Variants in SRP14 observed in about 807,000 individuals in gnomAD.
SRP14 encodes signal recognition particle 14 kDa protein.
A neutral mutation model predicts 16.0 loss-of-function variants in SRP14; 1 was observed. That is an observed-to-expected ratio of 0.06 (90% confidence interval 0.02 to 0.30). The LOEUF (loss-of-function observed/expected upper bound fraction) is 0.30. Among genes scored for constraint, SRP14 ranks in the 10% least tolerant of loss-of-function variants. SRP14 has a pLI of 1.00. For synonymous variants in SRP14, 67 were observed against 60.1 expected (o/e 1.12, Z -0.53); for missense variants, 120 against 163.1 (o/e 0.74, Z 1.44).
rs1318747609 is a variant in SRP14, at chr15:40,036,409, G to A, written c.335C>T (p.Ala112Val). 1 of 1,613,698 alleles carries A rather than the reference G, an allele frequency of 6.2e-7. No individual in the cohort carries two copies. Among genetic ancestry groups the A allele is most frequent in the South Asian group, 1.1e-5 (1 of 90,890 alleles). Residue 112 changes from alanine to valine, a missense_variant, in exon 5 of 5, where the codon GCA (alanine) becomes GTA (valine). This residue lies in a region of SRP14 where 43 missense variants were observed against 37.0 expected (regional missense o/e 1.16). Coordinates refer to ENST00000267884, the MANE Select transcript of SRP14 (RefSeq NM_003134.6). The stretch of plus-strand genomic sequence containing the variant: ...TGCTGCGGCAGGTGCTGCTGCTGCT[G>A]CTGCTGCTGCTGCTTTGGTCTTCTT... ...KTKKTKAAAA[A>V]AAAAPAAAAT...
chr15:40,037,278 G>GTAAAAAAA, intron 3 of SRP14: 7 of 193,388 alleles, frequency 3.6e-5, no homozygotes, highest in East Asian at 2.0e-4. Context: ...CTCCTTTTGG[G>GTAAAAAAA]GAAAAAAAAA....
chr15:40,036,745 C>A (rs2035629872), intron 4 of SRP14: 2 of 631,686 alleles, frequency 3.2e-6, no homozygotes, highest in East Asian at 2.7e-5. Context: ...CAGGCAACTT[C>A]TTGTTCAACT....
In SRP14 at chr15:40,036,075, TCA is replaced by T. The variant is rs1214948196; in HGVS notation, c.*256_*257del. The T allele has an allele frequency of 1.3e-5, 7 of 536,120 alleles. No homozygotes were observed. The highest frequency in any genetic ancestry group is 9.5e-5 in the African/African-American group (5 of 52,732). 33.2% of individuals were successfully genotyped at this position (536,120 alleles called of 1,614,324 possible). A position where few individuals can be genotyped will look rare whatever the true frequency, so the allele number is the denominator to read the frequency against. The stretch of plus-strand genomic sequence containing the variant: ...GACATGTTTAATGATAGCTTGCTCT[TCA>T]CAGAGATGTCTACAGAGACTTTTAA... On this transcript the variant is annotated 3_prime_UTR_variant, in exon 5 of 5. Coordinates refer to ENST00000267884, the MANE Select transcript of SRP14 (RefSeq NM_003134.6).
At chr15:40,036,908 T>C (rs766298862) in intron 4 of SRP14, 78 bp downstream of exon 4, 3 of 1,504,142 alleles carry the variant, frequency 2.0e-6, no homozygotes, top group Non-Finnish European at 2.8e-6. Flanking sequence ...TGAACCCAAG[T>C]ATCAATCTTA....
At chr15:40,036,882 T>C in intron 4 of SRP14, 104 bp downstream of exon 4, 1 of 1,313,842 alleles carries the variant, frequency 7.6e-7, no homozygotes, top group Non-Finnish European at 1.1e-6. Context: ...TGGTAAAACT[T>C]ATCTCCGGAG....
chr15:40,038,865 C>A lies in SRP14; in HGVS notation c.97+11G>T, dbSNP rs753408691. ...CAGGGAGCATCGCCCGGCTCCCCTCCCGCTGCTTACACTTCTTCAAGGTGA... is the reference window on the plus strand; with the variant it reads ...CAGGGAGCATCGCCCGGCTCCCCTCACGCTGCTTACACTTCTTCAAGGTGA... On this transcript the variant is annotated intron_variant, in intron 2 of 4. Transcript: ENST00000267884. 1 of 1,613,486 alleles carries A rather than the reference C, an allele frequency of 6.2e-7. No individual in the cohort carries two copies. Among genetic ancestry groups the A allele is most frequent in the South Asian group, 1.1e-5 (1 of 91,016 alleles).
intron 3 of SRP14, among the ~76,000 whole-genome samples, chr15:40,037,617 TTA>T (rs879279357): frequency 0.63 from 82,432 of 130,346 alleles, 27,552 homozygotes; most frequent in Non-Finnish European, 0.75. Flanking sequence ...TAACTTGTCC[TTA>T]GGTTTTTGTT....
intron 1 of SRP14, 54 bp downstream of exon 1, chr15:40,039,039 C>G: frequency 6.2e-7 from 1 of 1,607,012 alleles, no homozygotes; most frequent in Non-Finnish European, 8.5e-7. Context: ...AGGCACAGGT[C>G]TCGAGTAACG....
intron 4 of SRP14, 97 bp downstream of exon 4, chr15:40,036,889 G>A (rs765474154): frequency 2.2e-5 from 30 of 1,374,380 alleles, no homozygotes; most frequent in South Asian, 1.2e-4. Flanking sequence ...ACTTATCTCC[G>A]GAGAGCAGTG....
chr15:40,036,853 G>C (rs1442795426), intron 4 of SRP14, 133 bp downstream of exon 4: 4 of 1,034,062 alleles, frequency 3.9e-6, no homozygotes, highest in Non-Finnish European at 5.9e-6. Flanking sequence ...CACCCTGGCA[G>C]CTTTTACTTG....
intron 2 of SRP14, 168 bp from the exon 3 acceptor site, chr15:40,038,562 C>T (rs2035667491): frequency 1.6e-6 from 1 of 616,016 alleles, no homozygotes; most frequent in African/African-American, 1.8e-5. Context: ...CCTGGAGAAA[C>T]TATTATTTCC....
chr15:40,036,631 G>T, intron 4 of SRP14, 131 bp from the exon 5 acceptor site: 1 of 884,848 alleles, frequency 1.1e-6, no homozygotes. Flanking sequence ...CACTTGTACC[G>T]GAAAATGGTA....
chr15:40,038,851 G>A lies in SRP14; in HGVS notation c.97+25C>T, dbSNP rs755727243. ...AGACACCGGGAACCCAGGGAGCATC[G>A]CCCGGCTCCCCTCCCGCTGCTTACA... On this transcript the variant is annotated intron_variant, in intron 2 of 4. Transcript: ENST00000267884. The A allele has an allele frequency of 2.1e-5, 34 of 1,611,904 alleles. No homozygotes were observed. In the Admixed American group the frequency reaches 5.3e-4, roughly 25 times the overall value.
In SRP14 at chr15:40,039,080, G is replaced by GGCCTA; in HGVS notation, c.24+8_24+12dup. ...GCCGCCCCCTTCCCTCGGCCGGCCA[G>GGCCTA]GCCTAGCCATACCTGCTCGCTCTCC... is the stretch of plus-strand genomic sequence containing the variant. On this transcript the variant is annotated intron_variant, in intron 1 of 4. Coordinates refer to ENST00000267884, the MANE Select transcript of SRP14 (RefSeq NM_003134.6). 2 of 1,608,522 alleles carry GGCCTA rather than the reference G, an allele frequency of 1.2e-6. No individual in the cohort carries two copies. Among genetic ancestry groups the GGCCTA allele is most frequent in the Non-Finnish European group, 1.7e-6 (2 of 1,178,340 alleles).
At chr15:40,036,807 A>G in intron 4 of SRP14, 179 bp downstream of exon 4, 1 of 724,224 alleles carries the variant, frequency 1.4e-6, no homozygotes. Flanking sequence ...AACTTAAAAA[A>G]ACTAGAAAGG....
rs1567013952 is a variant in SRP14, at chr15:40,036,372, TGGTGCTGTTGCTGCTGCGGCA to T, written c.351_371del (p.Ala118_Pro124del). 1 of 1,600,356 alleles carries T rather than the reference TGGTGCTGTTGCTGCTGCGGCA, an allele frequency of 6.2e-7. No homozygotes were observed. Among genetic ancestry groups the T allele is most frequent in the African/African-American group, 1.4e-5 (1 of 74,040 alleles). ...TTGCTGCTGTTGTTGCTGCTGTTGTTGGTGCTGTTGCTGCTGCGGCAGGTGCTGCTGCTGCTGCTGCTGCTG... is the reference window on the plus strand; with the variant it reads ...TTGCTGCTGTTGTTGCTGCTGTTGTTGGTGCTGCTGCTGCTGCTGCTGCTG... On this transcript the variant is annotated inframe_deletion, in exon 5 of 5. Coordinates refer to ENST00000267884, the MANE Select transcript of SRP14 (RefSeq NM_003134.6).
chr15:40,037,997 G>C (rs947595878), intron 3 of SRP14, among the ~76,000 whole-genome samples: 1 of 152,168 alleles, frequency 6.6e-6, no homozygotes, highest in East Asian at 1.9e-4. Flanking sequence ...AGGGGCTAAG[G>C]AATCAAATAT....
chr15:40,036,772 A>G (rs2291620), intron 4 of SRP14: 221,229 of 647,696 alleles, frequency 0.34, 39,676 homozygotes, highest in Middle Eastern at 0.41. Flanking sequence ...TAGGTAGCAT[A>G]TATCTACAGC....
Position 40,038,290 on chromosome 15 carries a change from T to C in SRP14, c.202A>G (p.Ser68Gly). Residue 68 changes from serine to glycine, a missense_variant, in exon 3 of 5, where the codon AGC becomes GGC. Around this residue, in one of 3 missense-constraint regions of SRP14, gnomAD observed 44 missense variants for 93.1 expected, o/e 0.47. Transcript: ENST00000267884. ...TTAGAAATTAAGCTCACCACAGTGC[T>C]GATCTTCTTCTTCCCATCGGTAGCT... Reference protein sequence around the residue: ...LRATDGKKKISTVVSSKEVNK... With the variant: ...LRATDGKKKIGTVVSSKEVNK... The C allele has an allele frequency of 2.5e-6, 4 of 1,612,200 alleles. No individual in the cohort carries two copies. Among genetic ancestry groups the C allele is most frequent in the Non-Finnish European group, 3.4e-6 (4 of 1,178,238 alleles).
Sources: gnomAD v4.1 joint callset for allele counts (sites outside exome capture counted in the v4.1 genomes callset) on GRCh38, gnomAD v4.1.1 for gene constraint, gnomAD v4.1.1 regional missense constraint, MANE v1.5 for transcripts, NCBI Gene and HGNC (gene_info 2026-07-23, HGNC 2026-07-21) for gene names.